DYNC1I1: variants seen among roughly 807,000 people sequenced by gnomAD.
The protein encoded by DYNC1I1 is dynein cytoplasmic 1 intermediate chain 1.
Under a neutral mutation model 86.6 loss-of-function variants are expected in DYNC1I1, and 43 were observed. The observed-to-expected ratio is 0.50, with a 90% confidence interval of 0.39 to 0.64. The LOEUF (loss-of-function observed/expected upper bound fraction) is 0.64. DYNC1I1 is among the 30% of genes least tolerant of loss of function. The pLI, the probability that DYNC1I1 is intolerant of heterozygous loss-of-function variation, is 0.00. For synonymous variants in DYNC1I1, 262 were observed against 283.7 expected (o/e 0.92, Z 0.77); for missense variants, 604 against 788.8 (o/e 0.77, Z 2.81).
chr7:96,104,165 G>A (rs1442847468), intron 16 of DYNC1I1, among the ~76,000 whole-genome samples: 1 of 151,888 alleles, frequency 6.6e-6, no homozygotes, highest in East Asian at 1.9e-4. Flanking sequence ...TCTATTTATT[G>A]TTAATCAGAT....
chr7:95,933,627 A>G (rs961360109), intron 6 of DYNC1I1, among the ~76,000 whole-genome samples: 16 of 152,138 alleles, frequency 1.1e-4, no homozygotes, highest in Non-Finnish European at 2.2e-4. Context: ...ACATGTTGGC[A>G]TTTCTGTTCA....
At chr7:96,081,060 T>G (rs1257959093) in intron 16 of DYNC1I1, among the ~76,000 whole-genome samples, 2 of 61,048 alleles carry the variant, frequency 3.3e-5, no homozygotes, top group Admixed American at 1.6e-4. Flanking sequence ...GCAGAGAGAC[T>G]CCATCTCAAA....
At chr7:96,025,707 A>G (rs900843864) in intron 10 of DYNC1I1, among the ~76,000 whole-genome samples, 3 of 152,130 alleles carry the variant, frequency 2.0e-5, no homozygotes, top group Non-Finnish European at 2.9e-5. Flanking sequence ...TAATGAATGA[A>G]CAAATAGGTA....
At chr7:95,862,599 G>T (rs1303251253) in intron 5 of DYNC1I1, among the ~76,000 whole-genome samples, 1 of 152,226 alleles carries the variant, frequency 6.6e-6, no homozygotes, top group African/African-American at 2.4e-5. Context: ...TACACTGCTA[G>T]TGGGAATGTA....
chr7:95,943,556 G>A lies in DYNC1I1; in HGVS notation c.491-33956G>A, dbSNP rs1193302013. 5.8e-4 allele frequency among the ~76,000 whole-genome samples: 45 copies of A among 78,244 alleles called. 5 individuals carry two copies. Among genetic ancestry groups the A allele is most frequent in the African/African-American group, 1.4e-3 (41 of 29,418 alleles). The allele number at this position is 78,244 out of a possible 152,430, so 51.3% of individuals were successfully genotyped here. On this transcript the variant is annotated intron_variant, in intron 6 of 16. Transcript: ENST00000447467. Reference sequence around the variant, plus strand: ...TTCATATGGAACCAAAAAAGAGCCCGCATTGCCAAGTCAATCCTAAGCCAA... The same window carrying A: ...TTCATATGGAACCAAAAAAGAGCCCACATTGCCAAGTCAATCCTAAGCCAA...
intron 6 of DYNC1I1, among the ~76,000 whole-genome samples, chr7:95,900,658 G>T (rs1791013438): frequency 6.6e-6 from 1 of 152,170 alleles, no homozygotes; most frequent in African/African-American, 2.4e-5. Context: ...ACGAGGGTTT[G>T]ATCCTGTAAG....
intron 15 of DYNC1I1, among the ~76,000 whole-genome samples, chr7:96,077,134 C>A (rs970072280): frequency 1.3e-5 from 2 of 151,954 alleles, no homozygotes; most frequent in Admixed American, 1.3e-4. Context: ...AAGTGGAGAA[C>A]AACAAAAAGG....
At chr7:95,938,079 G>A (rs1013324770) in intron 6 of DYNC1I1, among the ~76,000 whole-genome samples, 12 of 152,042 alleles carry the variant, frequency 7.9e-5, no homozygotes, top group African/African-American at 2.9e-4. Flanking sequence ...AAAACTTGGG[G>A]TGCTTCTCAA....
chr7:95,892,950 T>C (rs1299656323), intron 6 of DYNC1I1, among the ~76,000 whole-genome samples: 1 of 152,214 alleles, frequency 6.6e-6, no homozygotes, highest in East Asian at 1.9e-4. Context: ...AAAATTGCCA[T>C]CTTTTTATTA....
chr7:96,056,177 A>G (rs1477762329), intron 14 of DYNC1I1: 4 of 151,658 alleles, frequency 2.6e-5, no homozygotes, highest in Non-Finnish European at 5.9e-5. Context: ...TTTTCCCTCA[A>G]TCACCCTCCT....
chr7:95,985,115 C>G, intron 8 of DYNC1I1, 138 bp downstream of exon 8: 1 of 1,187,386 alleles, frequency 8.4e-7, no homozygotes, highest in Non-Finnish European at 1.2e-6. Flanking sequence ...TGCTGAACAG[C>G]TTTGACTATG....
At chr7:95,980,364 A>G (rs527553617) in intron 7 of DYNC1I1, among the ~76,000 whole-genome samples, 11 of 151,974 alleles carry the variant, frequency 7.2e-5, no homozygotes, top group African/African-American at 2.7e-4. Context: ...AATCTCTAGC[A>G]GATATAATCG....
At chr7:95,961,439 A>G (rs770649756) in intron 6 of DYNC1I1, among the ~76,000 whole-genome samples, 7 of 152,202 alleles carry the variant, frequency 4.6e-5, no homozygotes, top group Admixed American at 6.5e-5. Flanking sequence ...AATTTGCTGA[A>G]CAACATGCTA....
At chr7:95,813,388 A>AC (rs759115861) in intron 4 of DYNC1I1, 51 bp downstream of exon 4, 8 of 1,567,442 alleles carry the variant, frequency 5.1e-6, no homozygotes, top group African/African-American at 1.4e-5. Context: ...TAAAAAAAAA[A>AC]AAAAACAGCA....
chr7:95,859,556 G>A (rs9690091), intron 5 of DYNC1I1, among the ~76,000 whole-genome samples: 2,095 of 152,344 alleles, frequency 0.014, 48 homozygotes, highest in African/African-American at 0.048. Context: ...GGCTGATGTG[G>A]TGTTGGGGTA....
At chr7:95,846,669 C>T (rs2600567) in intron 5 of DYNC1I1, among the ~76,000 whole-genome samples, 1 of 129,370 alleles carries the variant, frequency 7.7e-6, no homozygotes, top group South Asian at 2.6e-4. Context: ...GTGTGTGTGA[C>T]GAAGGGGGCC....
At chr7:95,989,651 C>T (rs1793681605) in intron 9 of DYNC1I1, among the ~76,000 whole-genome samples, 1 of 152,184 alleles carries the variant, frequency 6.6e-6, no homozygotes, top group Non-Finnish European at 1.5e-5. Flanking sequence ...GGAGGTGTTT[C>T]CACACAGGGT....
At chr7:95,952,206 A>AG (rs1792579935) in intron 6 of DYNC1I1, among the ~76,000 whole-genome samples, 1 of 151,858 alleles carries the variant, frequency 6.6e-6, no homozygotes, top group African/African-American at 2.4e-5. Context: ...TTTTACAGCC[A>AG]GTCCTTCCCG....
intron 1 of DYNC1I1, among the ~76,000 whole-genome samples, chr7:95,776,247 T>A (rs976490906): frequency 6.6e-6 from 1 of 152,194 alleles, no homozygotes; most frequent in African/African-American, 2.4e-5. Context: ...TATCCTGGAC[T>A]TGTGTTCCTT....
Sources: gnomAD v4.1 joint callset for allele counts (sites outside exome capture counted in the v4.1 genomes callset) on GRCh38, gnomAD v4.1.1 for gene constraint, MANE v1.5 for transcripts, NCBI Gene and HGNC (gene_info 2026-07-23, HGNC 2026-07-21) for gene names.